DLG2: variants seen among roughly 807,000 people sequenced by gnomAD.
DLG2 encodes the protein discs large MAGUK scaffold protein 2.
Under a neutral mutation model 132.5 loss-of-function variants are expected in DLG2, and 45 were observed. The ratio of observed to expected loss-of-function variants is 0.34; its 90% CI spans 0.27 to 0.44. The LOEUF (loss-of-function observed/expected upper bound fraction) is 0.44. DLG2 is among the 20% of genes least tolerant of loss of function. The pLI is 1.00. For synonymous variants in DLG2, 424 were observed against 419.6 expected (o/e 1.01, Z -0.13); for missense variants, 1,045 against 1,196.9 (o/e 0.87, Z 1.87).
chr11:85,196,961 T>C (rs532594202), intron 4 of DLG2, among the ~76,000 whole-genome samples: 61 of 152,346 alleles, frequency 4.0e-4, no homozygotes, highest in African/African-American at 1.3e-3. Context: ...CTGTTTAATT[T>C]TGGCACCTTA....
intron 6 of DLG2, among the ~76,000 whole-genome samples, chr11:84,873,574 T>C (rs529878197): frequency 6.6e-6 from 1 of 152,358 alleles, no homozygotes; most frequent in Non-Finnish European, 1.5e-5. Flanking sequence ...TGGAAAGCCA[T>C]ACAATCCTGT....
chr11:83,791,488 A>G (rs981291598), intron 17 of DLG2: 8 of 686,480 alleles, frequency 1.2e-5, no homozygotes, highest in Non-Finnish European at 2.2e-5. Flanking sequence ...CTGGCTAGCG[A>G]TGGTTGTTGT....
At chr11:83,664,049 G>A (rs2074980112) in intron 18 of DLG2, among the ~76,000 whole-genome samples, 1 of 152,184 alleles carries the variant, frequency 6.6e-6, no homozygotes. Context: ...TTATATAATG[G>A]TAGAGATGAT....
At chr11:85,429,967 A>C (rs897429034) in intron 3 of DLG2, among the ~76,000 whole-genome samples, 2 of 152,220 alleles carry the variant, frequency 1.3e-5, no homozygotes, top group Admixed American at 6.5e-5. Flanking sequence ...CCAAATGTCC[A>C]ACAATGATAG....
chr11:85,042,152 G>C (rs1014312282), intron 6 of DLG2, among the ~76,000 whole-genome samples: 43 of 151,922 alleles, frequency 2.8e-4, no homozygotes, highest in Admixed American at 8.5e-4. Context: ...ACAACCAAGA[G>C]GTGATGTCAA....
At chr11:84,663,230 TATA>T (rs1378911910) in intron 6 of DLG2, among the ~76,000 whole-genome samples, 1 of 138,956 alleles carries the variant, frequency 7.2e-6, no homozygotes, top group Non-Finnish European at 1.6e-5. Context: ...CTTTACAGGT[TATA>T]TATATATATA....
intron 6 of DLG2, among the ~76,000 whole-genome samples, chr11:84,699,912 C>A (rs1288089373): frequency 1.3e-5 from 2 of 151,478 alleles, no homozygotes; most frequent in Non-Finnish European, 1.5e-5. Context: ...AACTTTGGGT[C>A]AAATGTAGGC....
At chr11:84,992,051 C>T (rs549888967) in intron 6 of DLG2, among the ~76,000 whole-genome samples, 4 of 152,272 alleles carry the variant, frequency 2.6e-5, no homozygotes, top group African/African-American at 4.8e-5. Flanking sequence ...AATGGCCTTT[C>T]CACATGCTGC....
At chr11:83,565,602 T>C (rs968797202) in intron 19 of DLG2, among the ~76,000 whole-genome samples, 1 of 152,216 alleles carries the variant, frequency 6.6e-6, no homozygotes, top group Non-Finnish European at 1.5e-5. Context: ...CAAATAATTA[T>C]TTAAATGTTG....
intron 7 of DLG2, among the ~76,000 whole-genome samples, chr11:84,456,673 G>T (rs937817900): frequency 6.6e-6 from 1 of 151,340 alleles, no homozygotes; most frequent in Non-Finnish European, 1.5e-5. Context: ...CATTTTCAAT[G>T]AATCTGTTCC....
intron 6 of DLG2, among the ~76,000 whole-genome samples, chr11:84,999,969 TAA>T (rs2058053210): frequency 6.6e-6 from 1 of 150,962 alleles, no homozygotes. Flanking sequence ...AAGTTTTTTG[TAA>T]AGAGTCTTTA....
At chr11:85,378,347 C>T (rs1565401822) in intron 3 of DLG2, among the ~76,000 whole-genome samples, 1 of 152,074 alleles carries the variant, frequency 6.6e-6, no homozygotes. Flanking sequence ...GATTGTCAAG[C>T]ACAGAGATAA....
At chr11:84,799,672 CTCT>C (rs1244403168) in intron 6 of DLG2, among the ~76,000 whole-genome samples, 5 of 152,110 alleles carry the variant, frequency 3.3e-5, no homozygotes, top group East Asian at 1.9e-4. Flanking sequence ...TTTTGAGACT[CTCT>C]TCTTCTTCAT....
chr11:85,364,291 C>G (rs1237571953), intron 3 of DLG2, among the ~76,000 whole-genome samples: 1 of 152,210 alleles, frequency 6.6e-6, no homozygotes, highest in Non-Finnish European at 1.5e-5. Context: ...GACTTCCAAA[C>G]TGCCTTAGGG....
At chr11:84,710,306 C>A (rs1169087925) in intron 6 of DLG2, among the ~76,000 whole-genome samples, 1 of 151,854 alleles carries the variant, frequency 6.6e-6, no homozygotes, top group Non-Finnish European at 1.5e-5. Context: ...TGAGCATTAA[C>A]CTGAGGTGCC....
chr11:85,525,901 A>T (rs528931010), intron 3 of DLG2, among the ~76,000 whole-genome samples: 3 of 152,314 alleles, frequency 2.0e-5, no homozygotes, highest in East Asian at 3.9e-4. Flanking sequence ...TCTACAGAGG[A>T]TCCGCCTTTA....
chr11:83,626,918 G>T (rs1366492833), intron 19 of DLG2, among the ~76,000 whole-genome samples: 3 of 152,060 alleles, frequency 2.0e-5, no homozygotes, highest in African/African-American at 7.2e-5. Context: ...GGCTTCATGG[G>T]GTCCAGAGGA....
chr11:83,466,595 A>C (rs1368025287), intron 26 of DLG2, 113 bp downstream of exon 26: 1 of 586,852 alleles, frequency 1.7e-6, no homozygotes, highest in Non-Finnish European at 3.1e-6. Context: ...CTGAAAAATC[A>C]ACAATGGCAT....
At chr11:84,987,951 C>T (rs890279756) in intron 6 of DLG2, among the ~76,000 whole-genome samples, 6 of 152,086 alleles carry the variant, frequency 3.9e-5, no homozygotes, top group Admixed American at 2.0e-4. Flanking sequence ...TTTTGCATGG[C>T]AAAAGGAATG....
Sources: allele counts gnomAD v4.1 joint callset (sites outside exome capture counted in the v4.1 genomes callset), GRCh38; gene constraint gnomAD v4.1.1; transcripts MANE v1.5; gene names NCBI Gene and HGNC (gene_info 2026-07-23, HGNC 2026-07-21).